Variants in SMYD3 observed in about 807,000 individuals in gnomAD.
The protein encoded by SMYD3 is histone-lysine N-methyltransferase SMYD3.
In SMYD3, 36 loss-of-function variants were observed where a neutral mutation model predicts 57.7. That is an observed-to-expected ratio of 0.62 (90% confidence interval 0.48 to 0.82). The LOEUF is 0.82. Ranked by LOEUF, SMYD3 falls within the 40% of genes least tolerant of loss-of-function variation. The pLI is 0.00. For synonymous variants in SMYD3, 211 were observed against 195.0 expected (o/e 1.08, Z -0.68); for missense variants, 515 against 538.8 (o/e 0.96, Z 0.44).
chr1:246,483,450 T>C (rs1435045096), intron 1 of SMYD3: 2 of 152,214 alleles, frequency 1.3e-5, no homozygotes, highest in East Asian at 3.8e-4. Flanking sequence ...CCCCCAGAAG[T>C]ATCCTGTTCT....
intron 5 of SMYD3, among the ~76,000 whole-genome samples, chr1:246,045,010 T>C (rs1364775696): frequency 3.3e-5 from 5 of 152,208 alleles, no homozygotes; most frequent in Admixed American, 3.3e-4. Context: ...GAGCATTCCA[T>C]GCTCATGGAT....
intron 5 of SMYD3, among the ~76,000 whole-genome samples, chr1:245,941,788 G>A (rs2057254878): frequency 6.6e-6 from 1 of 152,166 alleles, no homozygotes; most frequent in South Asian, 2.1e-4. Flanking sequence ...CTCCCAAAGT[G>A]CTGGGATTAC....
At position 246,072,389 on chromosome 1, in the gene SMYD3, TCAC is replaced by T. The variant is rs2060472771; in HGVS notation, c.532-142455_532-142453del. 2.0e-5 allele frequency among the ~76,000 whole-genome samples: 3 copies of T among 151,394 alleles called. No homozygotes were observed. The South Asian group carries it at 6.3e-4, about 32-fold the overall frequency. On this transcript the variant is annotated intron_variant, in intron 5 of 11. Transcript: ENST00000490107. ...GGGATTCGTGTGCCTTCCACTGTGC[TCAC>T]TGTGGCTGCATCCTGTTAGTTCTGG...
chr1:246,183,111 T>C (rs1477110034), intron 5 of SMYD3, among the ~76,000 whole-genome samples: 1 of 152,158 alleles, frequency 6.6e-6, no homozygotes, highest in Non-Finnish European at 1.5e-5. Context: ...TTTGGAAAGC[T>C]AGAGTCCAGA....
chr1:245,806,263 G>C (rs2048138740), intron 10 of SMYD3, among the ~76,000 whole-genome samples: 1 of 152,170 alleles, frequency 6.6e-6, no homozygotes, highest in African/African-American at 2.4e-5. Flanking sequence ...GAGAAATGCT[G>C]ATGTTCTATT....
intron 5 of SMYD3, among the ~76,000 whole-genome samples, chr1:245,981,087 C>G (rs1047570587): frequency 6.6e-6 from 1 of 152,184 alleles, no homozygotes; most frequent in African/African-American, 2.4e-5. Flanking sequence ...TAAAATTAAG[C>G]TTGAAGAGGA....
intron 8 of SMYD3, among the ~76,000 whole-genome samples, chr1:245,904,438 GGAA>G (rs1450957760): frequency 6.6e-6 from 1 of 152,168 alleles, no homozygotes; most frequent in Non-Finnish European, 1.5e-5. Flanking sequence ...ACTCATACAA[GGAA>G]GAATACAGCA....
intron 1 of SMYD3, among the ~76,000 whole-genome samples, chr1:246,418,770 G>A (rs990866440): frequency 2.0e-5 from 3 of 152,074 alleles, no homozygotes; most frequent in Non-Finnish European, 4.4e-5. Context: ...GCTGGCCGAC[G>A]GCCTCCCAGC....
At chr1:246,450,614 G>A (rs1558470984) in intron 1 of SMYD3, among the ~76,000 whole-genome samples, 1 of 152,136 alleles carries the variant, frequency 6.6e-6, no homozygotes, top group African/African-American at 2.4e-5. Context: ...TCTCATTTCT[G>A]TCTCCCTCAC....
At chr1:246,117,856 CATT>C (rs1467631521) in intron 5 of SMYD3, among the ~76,000 whole-genome samples, 1 of 152,116 alleles carries the variant, frequency 6.6e-6, no homozygotes, top group Non-Finnish European at 1.5e-5. Context: ...AGTAGAATAA[CATT>C]ATTTCTTTGC....
chr1:245,808,809 C>T (rs528364191), intron 10 of SMYD3, among the ~76,000 whole-genome samples: 1 of 152,144 alleles, frequency 6.6e-6, no homozygotes, highest in Non-Finnish European at 1.5e-5. Flanking sequence ...GTTGCCCAGG[C>T]TGGAGTGCAA....
chr1:246,455,646 T>C (rs2067691509), intron 1 of SMYD3, among the ~76,000 whole-genome samples: 1 of 152,248 alleles, frequency 6.6e-6, no homozygotes, highest in Non-Finnish European at 1.5e-5. Context: ...CTTTACAATT[T>C]GCAGCTAGGT....
chr1:245,972,239 C>T (rs879725142), intron 5 of SMYD3, among the ~76,000 whole-genome samples: 8 of 152,172 alleles, frequency 5.3e-5, no homozygotes, highest in Non-Finnish European at 1.0e-4. Flanking sequence ...CCTGAGACAC[C>T]TTAGCTGGCT....
At chr1:246,335,176 G>A (rs1193064751) in intron 3 of SMYD3, among the ~76,000 whole-genome samples, 191 bp downstream of exon 3, 1 of 152,164 alleles carries the variant, frequency 6.6e-6, no homozygotes, top group African/African-American at 2.4e-5. Context: ...ATAGACTACG[G>A]TATAATGTAA....
Position 245,886,881 on chromosome 1 carries a change from A to G in SMYD3, c.814-22995T>C, listed in dbSNP as rs1187017080. On this transcript the variant is annotated intron_variant, in intron 8 of 11. Coordinates refer to ENST00000490107, the MANE Select transcript of SMYD3 (RefSeq NM_001167740.2). ...TGAAAATGCAAACCCTCTGCCCAGCATAGGCCATCCCTCACCACCCACTGC... is the reference window on the plus strand; with the variant it reads ...TGAAAATGCAAACCCTCTGCCCAGCGTAGGCCATCCCTCACCACCCACTGC... Among the ~76,000 whole-genome samples the G allele has an allele frequency of 3.3e-5, 5 of 152,122 alleles. No homozygotes were observed. In the East Asian group the frequency reaches 9.6e-4, roughly 29 times the overall value.
chr1:246,372,045 TAAAG>T (rs777393358), intron 1 of SMYD3, among the ~76,000 whole-genome samples: 25 of 152,356 alleles, frequency 1.6e-4, no homozygotes, highest in Non-Finnish European at 2.6e-4. Context: ...TTTAAGTTTA[TAAAG>T]AAAGACTAGC....
chr1:245,765,228 A>G (rs2148060581), intron 10 of SMYD3, among the ~76,000 whole-genome samples: 1 of 151,570 alleles, frequency 6.6e-6, no homozygotes, highest in East Asian at 1.9e-4. Flanking sequence ...TCTATTAAAA[A>G]AAAAAAAAAA....
At chr1:246,155,175 G>A (rs889288069) in intron 5 of SMYD3, among the ~76,000 whole-genome samples, 1 of 152,104 alleles carries the variant, frequency 6.6e-6, no homozygotes, top group African/African-American at 2.4e-5. Flanking sequence ...ATTCCTGATG[G>A]AGAGATTGAA....
At chr1:245,862,919 G>A (rs534837167) in intron 9 of SMYD3, among the ~76,000 whole-genome samples, 45 of 152,226 alleles carry the variant, frequency 3.0e-4, no homozygotes, top group Admixed American at 2.5e-3. Flanking sequence ...TAAACTCAGT[G>A]GGCTATTGAT....
Sources: gnomAD v4.1 joint callset for allele counts (sites outside exome capture counted in the v4.1 genomes callset) on GRCh38, gnomAD v4.1.1 for gene constraint, MANE v1.5 for transcripts, NCBI Gene and HGNC (gene_info 2026-07-23, HGNC 2026-07-21) for gene names.